The following ARMH3 variants were observed in gnomAD, a reference collection of about 807,000 sequenced individuals.
ARMH3 encodes armadillo like helical domain containing 3.
In ARMH3, 60 loss-of-function variants were observed where a neutral mutation model predicts 99.1. That is an observed-to-expected ratio of 0.61 (90% CI 0.49 to 0.75). ARMH3 has a LOEUF of 0.75. Ranked by LOEUF, ARMH3 falls within the 30% of genes least tolerant of loss-of-function variation. The pLI, the probability that ARMH3 is intolerant of heterozygous loss-of-function variation, is 0.00. For synonymous variants in ARMH3, 285 were observed against 292.8 expected, an observed-to-expected ratio of 0.97 and a Z score of 0.27; for missense variants, 679 against 843.1, an observed-to-expected ratio of 0.81 and a Z score of 2.41.
chr10:101,928,206 A>G (rs1843582480), intron 23 of ARMH3, among the ~76,000 whole-genome samples: 1 of 152,250 alleles, frequency 6.6e-6, no homozygotes, highest in African/African-American at 2.4e-5. Flanking sequence ...ACTCACAAAT[A>G]TAATGAAAGG....
chr10:102,039,962 G>T, intron 2 of ARMH3, 51 bp downstream of exon 2: 1 of 1,504,240 alleles, frequency 6.6e-7, no homozygotes, highest in South Asian at 1.1e-5. Flanking sequence ...TCTCATCTTG[G>T]ACTAAGAAAC....
At chr10:101,912,790 T>C (rs891343568) in intron 23 of ARMH3, among the ~76,000 whole-genome samples, 2 of 152,206 alleles carry the variant, frequency 1.3e-5, no homozygotes, top group Non-Finnish European at 2.9e-5. Context: ...ATATGACAGC[T>C]TGTAGGTTTT....
chr10:101,983,904 G>T (rs1317680558), intron 19 of ARMH3, among the ~76,000 whole-genome samples: 1 of 152,180 alleles, frequency 6.6e-6, no homozygotes, highest in South Asian at 2.1e-4. Flanking sequence ...ATTTATAGCC[G>T]GTCCATCAGA....
At chr10:102,047,912 T>C (rs1033863132) in intron 1 of ARMH3, among the ~76,000 whole-genome samples, 1 of 152,170 alleles carries the variant, frequency 6.6e-6, no homozygotes, top group African/African-American at 2.4e-5. Flanking sequence ...GAGGAGGTAC[T>C]ACTGGCACCT....
In ARMH3 at chr10:101,975,208, T is replaced by C. The variant is rs1845941737; in HGVS notation, c.1495+4A>G. On this transcript the variant is annotated splice_donor_region_variant and intron_variant, in intron 20 of 25. Transcript: ENST00000370033. The stretch of plus-strand genomic sequence containing the variant: ...AGGAAGATGAATTCAAGAGAGAAAG[T>C]TACCTGACCAGAGCTCCCGCCAGGT... The C allele has an allele frequency of 6.2e-7, 1 of 1,610,026 alleles. No homozygotes were observed. Among genetic ancestry groups the C allele is most frequent in the Admixed American group, 1.7e-5 (1 of 59,886 alleles).
In ARMH3 at chr10:102,017,145, G is replaced by A. The variant is rs996839918; in HGVS notation, c.670-3121C>T. 5.3e-5 allele frequency among the ~76,000 whole-genome samples: 8 copies of A among 152,260 alleles called. 2 individuals carry two copies. The highest frequency in any genetic ancestry group is 5.2e-4 in the Admixed American group (8 of 15,298). Reference sequence around the variant, plus strand: ...AGAATGCTATTCTCCCCAGCACACTGCCTCATGCTAGTTTGCACAGAATTT... The same window carrying A: ...AGAATGCTATTCTCCCCAGCACACTACCTCATGCTAGTTTGCACAGAATTT... On this transcript the variant is annotated intron_variant, in intron 8 of 25. Coordinates refer to ENST00000370033, the MANE Select transcript of ARMH3 (RefSeq NM_024541.3).
At chr10:101,853,050 A>ATTTTT (rs747143889) in intron 24 of ARMH3, among the ~76,000 whole-genome samples, 11 of 129,540 alleles carry the variant, frequency 8.5e-5, no homozygotes, top group South Asian at 2.5e-4. Context: ...TGCTTGGCTA[A>ATTTTT]TTTTTTTTTT....
chr10:101,892,307 G>A (rs1275846767), intron 23 of ARMH3, among the ~76,000 whole-genome samples: 3 of 150,326 alleles, frequency 2.0e-5, no homozygotes, highest in African/African-American at 7.4e-5. Context: ...ATAATAATAA[G>A]CCAGGGCCAG....
intron 24 of ARMH3, among the ~76,000 whole-genome samples, chr10:101,860,973 T>A (rs1589918887): frequency 6.6e-6 from 1 of 152,186 alleles, no homozygotes; most frequent in East Asian, 1.9e-4. Flanking sequence ...TTAACTTCAA[T>A]AAAAATAGCC....
At chr10:101,927,870 C>T (rs1843569762) in intron 23 of ARMH3, among the ~76,000 whole-genome samples, 1 of 152,138 alleles carries the variant, frequency 6.6e-6, no homozygotes, top group Non-Finnish European at 1.5e-5. Flanking sequence ...GTCAGGAGTT[C>T]AAGACCAGCC....
intron 23 of ARMH3, among the ~76,000 whole-genome samples, chr10:101,897,701 AAAAT>A (rs2067872195): frequency 2.6e-5 from 4 of 152,344 alleles, no homozygotes; most frequent in African/African-American, 7.2e-5. Context: ...AGGGGAAGGA[AAAAT>A]AAATAGACAA....
chr10:101,879,507 G>A (rs1012474047), intron 24 of ARMH3, among the ~76,000 whole-genome samples: 2 of 151,924 alleles, frequency 1.3e-5, no homozygotes, highest in Admixed American at 6.6e-5. Flanking sequence ...CCACCACCAC[G>A]CCTTGCTAAT....
At chr10:101,880,916 A>G (rs2067399518) in intron 24 of ARMH3, among the ~76,000 whole-genome samples, 1 of 152,150 alleles carries the variant, frequency 6.6e-6, no homozygotes, top group Non-Finnish European at 1.5e-5. Context: ...CATCATTTGT[A>G]TTTCTAAAGA....
chr10:101,971,618 A>G (rs1392013757), intron 20 of ARMH3, among the ~76,000 whole-genome samples: 5 of 152,208 alleles, frequency 3.3e-5, no homozygotes, highest in Non-Finnish European at 7.3e-5. Context: ...GAACAGGATT[A>G]ATTGGGAGGC....
chr10:101,971,918 T>C (rs935816630), intron 20 of ARMH3, among the ~76,000 whole-genome samples: 1 of 152,226 alleles, frequency 6.6e-6, no homozygotes, highest in Non-Finnish European at 1.5e-5. Flanking sequence ...TCAAACTTTC[T>C]ATATGTGGTG....
At chr10:101,979,084 T>C (rs1035028392) in intron 19 of ARMH3, among the ~76,000 whole-genome samples, 1 of 152,106 alleles carries the variant, frequency 6.6e-6, no homozygotes, top group African/African-American at 2.4e-5. Context: ...TTTGAAGCTA[T>C]GATTGCACCA....
At chr10:102,010,864 A>G (rs867207068) in intron 11 of ARMH3, among the ~76,000 whole-genome samples, 6 of 152,314 alleles carry the variant, frequency 3.9e-5, no homozygotes, top group Middle Eastern at 3.4e-3. Context: ...TTTTGGAGTT[A>G]AAGAGTTTAT....
chr10:101,912,517 C>T (rs1842910797), intron 23 of ARMH3, among the ~76,000 whole-genome samples: 2 of 151,604 alleles, frequency 1.3e-5, no homozygotes, highest in Non-Finnish European at 2.9e-5. Context: ...GATTTTTGTA[C>T]ATCAAACTTG....
At chr10:101,881,490 T>C (rs116994404) in intron 24 of ARMH3, among the ~76,000 whole-genome samples, 6 of 152,292 alleles carry the variant, frequency 3.9e-5, no homozygotes, top group African/African-American at 4.8e-5. Flanking sequence ...AATGGACATA[T>C]TGTTAAGTGT....
Sources: gnomAD v4.1 joint callset for allele counts (sites outside exome capture counted in the v4.1 genomes callset) on GRCh38, gnomAD v4.1.1 for gene constraint, MANE v1.5 for transcripts, NCBI Gene and HGNC (gene_info 2026-07-23, HGNC 2026-07-21) for gene names.